PPFIA1: variants seen among roughly 807,000 people sequenced by gnomAD.
PPFIA1 encodes liprin-alpha-1.
A neutral mutation model predicts 149.9 loss-of-function variants in PPFIA1; 25 were observed. The ratio of observed to expected loss-of-function variants is 0.17; its 90% CI spans 0.12 to 0.23. PPFIA1 has a LOEUF of 0.23. Ranked by LOEUF, PPFIA1 falls within the 10% of genes least tolerant of loss-of-function variation. PPFIA1 has a pLI of 1.00. For synonymous variants in PPFIA1, 549 were observed against 552.8 expected, an observed-to-expected ratio of 0.99 and a Z score of 0.10; for missense variants, 1,362 against 1,506.5, an observed-to-expected ratio of 0.90 and a Z score of 1.59.
At chr11:70,276,852 C>T (rs1211322070) in intron 2 of PPFIA1, among the ~76,000 whole-genome samples, 1 of 151,716 alleles carries the variant, frequency 6.6e-6, no homozygotes, top group African/African-American at 2.4e-5. Flanking sequence ...GTGATGTTCC[C>T]TTTTAATAAT....
intron 2 of PPFIA1, among the ~76,000 whole-genome samples, chr11:70,275,800 T>C (rs921693655): frequency 6.6e-6 from 1 of 152,178 alleles, no homozygotes; most frequent in African/African-American, 2.4e-5. Context: ...TAAATTCCCA[T>C]AGATATAGTC....
chr11:70,329,553 C>T (rs1308267592), intron 7 of PPFIA1, among the ~76,000 whole-genome samples: 1 of 152,134 alleles, frequency 6.6e-6, no homozygotes, highest in South Asian at 2.1e-4. Flanking sequence ...CTCGAGCAAT[C>T]CTCCTGTCTC....
intron 14 of PPFIA1, among the ~76,000 whole-genome samples, chr11:70,343,270 T>G (rs1396209973): frequency 6.6e-6 from 1 of 152,186 alleles, no homozygotes; most frequent in Admixed American, 6.5e-5. Flanking sequence ...AATGTTAACT[T>G]TAGTCACCCT....
intron 2 of PPFIA1, among the ~76,000 whole-genome samples, chr11:70,285,152 G>A (rs547076896): frequency 6.6e-4 from 101 of 151,986 alleles, no homozygotes; most frequent in African/African-American, 2.1e-3. Context: ...GATTACAGGC[G>A]CCCGCCACCG....
rs775005508 is a variant in PPFIA1, at chr11:70,335,626, C to T, written c.1360C>T (p.Leu454=). ...NKRLSDTVDK[L]LSESNERLQL... ...ACGTTTATCAGACACTGTTGACAAG[C>T]TGCTTTCAGAATCTAATGAGAGGCT... is the stretch of plus-strand genomic sequence containing the variant. Residue 454 remains leucine (L), a synonymous_variant, in exon 11 of 28, where the codon CTG becomes TTG. Coordinates refer to ENST00000253925, the MANE Select transcript of PPFIA1 (RefSeq NM_003626.5). 1 of 1,613,926 alleles carries T rather than the reference C, an allele frequency of 6.2e-7. No homozygotes were observed. Among genetic ancestry groups the T allele is most frequent in the Admixed American group, 1.7e-5 (1 of 60,018 alleles).
chr11:70,361,361 T>G (rs1212338337), intron 19 of PPFIA1, among the ~76,000 whole-genome samples: 1 of 152,194 alleles, frequency 6.6e-6, no homozygotes. Context: ...AGACTTCAAA[T>G]CATCTCTAGG....
chr11:70,337,036 A>G (rs142283817), intron 11 of PPFIA1, among the ~76,000 whole-genome samples: 62 of 152,352 alleles, frequency 4.1e-4, no homozygotes, highest in Non-Finnish European at 6.9e-4. Context: ...TTTGAAACTT[A>G]AATTCAGGTT....
chr11:70,320,312 TGGATTTCACTGGCCACTGA>T (rs1187915675), intron 2 of PPFIA1: 1 of 152,158 alleles, frequency 6.6e-6, no homozygotes, highest in Non-Finnish European at 1.5e-5. Flanking sequence ...CTGAATTGAC[TGGATTTCACTGGCCACTGA>T]GCCGCAGGCT....
chr11:70,287,422 C>T (rs760092684), intron 2 of PPFIA1, among the ~76,000 whole-genome samples: 20 of 152,036 alleles, frequency 1.3e-4, no homozygotes, highest in Non-Finnish European at 1.9e-4. Flanking sequence ...GCTCTTTCAG[C>T]GATCCGGTTT....
In PPFIA1 at chr11:70,382,172, A is replaced by C. The variant is rs2057737961; in HGVS notation, c.*12+14A>C. On this transcript the variant is annotated intron_variant, in intron 27 of 27. Transcript: ENST00000253925. ...AGTCTCCTGTTGGTGAGTAGAGAGCACCACAACCCCTAGAGATGGCTCAGA... is the reference window on the plus strand; with the variant it reads ...AGTCTCCTGTTGGTGAGTAGAGAGCCCCACAACCCCTAGAGATGGCTCAGA... 1.2e-6 allele frequency: 2 copies of C among 1,605,564 alleles called. No homozygotes were observed. The highest frequency in any genetic ancestry group is 1.7e-5 in the Admixed American group (1 of 59,666).
chr11:70,324,746 T>A, intron 3 of PPFIA1, 101 bp from the exon 4 acceptor site: 1 of 1,183,590 alleles, frequency 8.4e-7, no homozygotes, highest in Non-Finnish European at 1.2e-6. Context: ...TTGAAGGGAC[T>A]TCATTTTAGT....
intron 21 of PPFIA1, chr11:70,366,057 G>T (rs868790158): frequency 9.2e-6 from 4 of 433,672 alleles, no homozygotes; most frequent in South Asian, 5.0e-5. Flanking sequence ...TACTTTTTTT[G>T]ATGTTTATAG....
At chr11:70,371,466 C>CTT (rs2057251859) in intron 21 of PPFIA1, 1 of 87,374 alleles carries the variant, frequency 1.1e-5, no homozygotes, top group Non-Finnish European at 2.2e-5. Context: ...GTTCTGTATT[C>CTT]TCTTGTTGGG....
chr11:70,311,003 C>T (rs2053231550), intron 2 of PPFIA1, among the ~76,000 whole-genome samples: 2 of 152,142 alleles, frequency 1.3e-5, no homozygotes, highest in African/African-American at 4.8e-5. Context: ...CGTGAGCACC[C>T]AGGAAGCAAA....
intron 2 of PPFIA1, among the ~76,000 whole-genome samples, chr11:70,307,623 A>AT (rs924299714): frequency 2.6e-5 from 4 of 152,176 alleles, no homozygotes; most frequent in African/African-American, 9.7e-5. Flanking sequence ...GTAAAAAAAA[A>AT]GAAAGAAAAA....
chr11:70,274,534 G>A (rs975702119), intron 2 of PPFIA1, among the ~76,000 whole-genome samples: 1 of 152,138 alleles, frequency 6.6e-6, no homozygotes, highest in African/African-American at 2.4e-5. Context: ...TGTATGTTTT[G>A]CTTCTTCATT....
intron 2 of PPFIA1, among the ~76,000 whole-genome samples, chr11:70,321,040 A>G (rs1404159995): frequency 6.6e-5 from 10 of 152,192 alleles, no homozygotes; most frequent in Non-Finnish European, 1.3e-4. Context: ...CTGCTCTGCC[A>G]AAGTCATATG....
rs1203970276 is a variant in PPFIA1, at chr11:70,330,327, A to G, written c.1077+8A>G. Reference sequence around the variant, plus strand: ...GATTCTATGCATCGACAGGTAATGGATTTTATCGACCTTTGTCTGGCTTTA... The same window carrying G: ...GATTCTATGCATCGACAGGTAATGGGTTTTATCGACCTTTGTCTGGCTTTA... On this transcript the variant is annotated splice_region_variant and intron_variant, in intron 8 of 27. Coordinates refer to ENST00000253925, the MANE Select transcript of PPFIA1 (RefSeq NM_003626.5). 1.9e-6 allele frequency: 3 copies of G among 1,560,394 alleles called. No homozygotes were observed. The highest frequency in any genetic ancestry group is 1.4e-5 in the African/African-American group (1 of 72,036).
chr11:70,339,361 G>A (rs2055172883), intron 14 of PPFIA1, 55 bp downstream of exon 14: 4 of 1,562,854 alleles, frequency 2.6e-6, no homozygotes, highest in East Asian at 2.3e-5. Context: ...TACTTATCCC[G>A]TGGCTTTCAG....
Sources: gnomAD v4.1 joint callset for allele counts (sites outside exome capture counted in the v4.1 genomes callset) on GRCh38, gnomAD v4.1.1 for gene constraint, MANE v1.5 for transcripts, NCBI Gene and HGNC (gene_info 2026-07-23, HGNC 2026-07-21) for gene names.